Variants in UBTD2 observed in about 807,000 individuals in gnomAD.
UBTD2 encodes the protein ubiquitin domain containing 2.
UBTD2 carries 9 observed loss-of-function variants against 19.8 expected under a neutral mutation model. The ratio of observed to expected loss-of-function variants is 0.46; its 90% CI spans 0.27 to 0.79. UBTD2 has a LOEUF of 0.79. UBTD2 is among the 30% of genes least tolerant of loss of function. UBTD2 has a pLI of 0.14. For missense variants in UBTD2, 250 were observed against 300.4 expected (o/e 0.83, Z 1.24); for synonymous variants, 98 against 103.9 (o/e 0.94, Z 0.35).
intron 1 of UBTD2, among the ~76,000 whole-genome samples, chr5:172,251,524 A>T (rs2113066214): frequency 6.6e-6 from 1 of 151,850 alleles, no homozygotes; most frequent in Non-Finnish European, 1.5e-5. Flanking sequence ...CAGCATGAGA[A>T]AAGCAGCAAA....
intron 1 of UBTD2, among the ~76,000 whole-genome samples, chr5:172,246,887 C>G (rs1754894653): frequency 1.3e-5 from 2 of 150,432 alleles, no homozygotes; most frequent in African/African-American, 4.9e-5. Flanking sequence ...TCTCAGCCTC[C>G]CAAGTAGCTG....
At chr5:172,265,480 G>A (rs991569097) in intron 1 of UBTD2, among the ~76,000 whole-genome samples, 3 of 151,926 alleles carry the variant, frequency 2.0e-5, no homozygotes, top group African/African-American at 7.3e-5. Context: ...GACTACAGGC[G>A]CCCACCACCC....
chr5:172,242,258 G>T, intron 1 of UBTD2: 1 of 422,236 alleles, frequency 2.4e-6, no homozygotes, highest in Non-Finnish European at 3.2e-6. Flanking sequence ...ATTCCTTTAT[G>T]GCAAGGCAAA....
intron 1 of UBTD2, chr5:172,242,394 A>T (rs565692871): frequency 1.0e-6 from 1 of 985,264 alleles, no homozygotes; most frequent in African/African-American, 1.7e-5. Flanking sequence ...TTTTCATACC[A>T]AGTTCCAATC....
chr5:172,229,599 T>C (rs550610372), intron 2 of UBTD2, among the ~76,000 whole-genome samples: 2 of 151,760 alleles, frequency 1.3e-5, no homozygotes, highest in Admixed American at 6.6e-5. Flanking sequence ...CTAAAAATTA[T>C]GAGATAATTG....
intron 1 of UBTD2, among the ~76,000 whole-genome samples, chr5:172,256,844 C>T (rs753730379): frequency 2.6e-5 from 4 of 152,092 alleles, no homozygotes; most frequent in Non-Finnish European, 5.9e-5. Flanking sequence ...TCGCTTGAAC[C>T]CCGCAGGTGG....
chr5:172,251,645 C>G (rs866303112), intron 1 of UBTD2, among the ~76,000 whole-genome samples: 23 of 150,270 alleles, frequency 1.5e-4, no homozygotes, highest in Admixed American at 4.0e-4. Flanking sequence ...AAAAAAATGG[C>G]AACCAAGAAT....
chr5:172,276,033 T>G (rs191129354), intron 1 of UBTD2, among the ~76,000 whole-genome samples: 1 of 152,210 alleles, frequency 6.6e-6, no homozygotes, highest in African/African-American at 2.4e-5. Flanking sequence ...CCAATGCTTC[T>G]CAAACATTAA....
intron 1 of UBTD2, among the ~76,000 whole-genome samples, chr5:172,239,548 G>A (rs1772081125): frequency 1.3e-5 from 2 of 151,880 alleles, no homozygotes; most frequent in Admixed American, 1.3e-4. Flanking sequence ...AGCCTCCCGA[G>A]TAGCCGGGAT....
At chr5:172,243,702 A>G (rs1274745051) in intron 1 of UBTD2, among the ~76,000 whole-genome samples, 2 of 151,704 alleles carry the variant, frequency 1.3e-5, no homozygotes, top group African/African-American at 2.4e-5. Context: ...AGCTGGGATT[A>G]CAGACGCCTG....
intron 2 of UBTD2, among the ~76,000 whole-genome samples, chr5:172,230,222 G>C (rs954693109): frequency 6.6e-6 from 1 of 152,140 alleles, no homozygotes; most frequent in East Asian, 1.9e-4. Context: ...ATTGCCACTT[G>C]AGAATAAACT....
chr5:172,236,417 C>T (rs557335954), intron 1 of UBTD2, among the ~76,000 whole-genome samples: 1 of 152,296 alleles, frequency 6.6e-6, no homozygotes, highest in South Asian at 2.1e-4. Context: ...AATTCAAATG[C>T]GAGAAACACA....
intron 2 of UBTD2, among the ~76,000 whole-genome samples, chr5:172,215,397 G>T (rs184342293): frequency 8.5e-4 from 129 of 152,258 alleles, no homozygotes; most frequent in African/African-American, 3.0e-3. Flanking sequence ...GCCCCTTCTA[G>T]CCATCTTGTC....
rs533011658 is a variant in UBTD2, at chr5:172,236,681, G to A, written c.71-2323C>T. ...CACAGTAAGCAGGTAGACTCAGTAA[G>A]ATATTTATCTGAATAAAGTTTTGGG... On this transcript the variant is annotated intron_variant, in intron 1 of 2. Coordinates refer to ENST00000393792, the MANE Select transcript of UBTD2 (RefSeq NM_152277.3). Among the ~76,000 whole-genome samples, 8 of 152,294 alleles carry A rather than the reference G, an allele frequency of 5.3e-5. No homozygotes were observed. The South Asian group carries it at 1.7e-3, about 32-fold the overall frequency.
At chr5:172,275,530 CT>C (rs761520303) in intron 1 of UBTD2, among the ~76,000 whole-genome samples, 3 of 152,144 alleles carry the variant, frequency 2.0e-5, no homozygotes, top group African/African-American at 4.8e-5. Flanking sequence ...TACTAAGTAC[CT>C]ACTTACTATG....
chr5:172,283,258 GCGC>G lies in UBTD2; in HGVS notation c.70+335_70+337del, dbSNP rs914847993. ...ATCAATTCGCTTTTCTGCAACCCCG[GCGC>G]CGCCATCCTGATCCTCAATAATTAA... On this transcript the variant is annotated intron_variant, in intron 1 of 2. Coordinates refer to ENST00000393792, the MANE Select transcript of UBTD2 (RefSeq NM_152277.3). This position sits in a 1 kb window ranked among gnomAD's most constrained non-coding sequence, Gnocchi z 4.3. Among the ~76,000 whole-genome samples the G allele has an allele frequency of 6.6e-6, 1 of 152,106 alleles. No homozygotes were observed. The highest frequency in any genetic ancestry group is 2.4e-5 in the African/African-American group (1 of 41,428).
rs1581231492 is a variant in UBTD2, at chr5:172,264,924, T to C, written c.70+18672A>G. 1.3e-5 allele frequency among the ~76,000 whole-genome samples: 2 copies of C among 152,114 alleles called. 1 individual carries two copies. Among genetic ancestry groups the C allele is most frequent in the South Asian group, 4.1e-4 (2 of 4,824 alleles). ...AACAAAACAAAAAAAATTCAGAGAA[T>C]TCTTAAAAGTTGTTGTCATTACTTC... is the stretch of plus-strand genomic sequence containing the variant. On this transcript the variant is annotated intron_variant, in intron 1 of 2. Coordinates refer to ENST00000393792, the MANE Select transcript of UBTD2 (RefSeq NM_152277.3).
chr5:172,221,591 T>C (rs939173852), intron 2 of UBTD2, among the ~76,000 whole-genome samples: 8 of 152,204 alleles, frequency 5.3e-5, no homozygotes, highest in Non-Finnish European at 8.8e-5. Flanking sequence ...TGAAAGAAGA[T>C]AGTGTGATAA....
At chr5:172,254,738 G>T in intron 1 of UBTD2, 1 of 281,922 alleles carries the variant, frequency 3.5e-6, no homozygotes, top group Non-Finnish European at 6.7e-6. Flanking sequence ...TTGTGGGGGG[G>T]AACACTGAGT....
Sources: gnomAD v4.1 joint callset for allele counts (sites outside exome capture counted in the v4.1 genomes callset) on GRCh38, gnomAD v4.1.1 for gene constraint, Gnocchi (gnomAD v3.1) non-coding constraint, MANE v1.5 for transcripts, NCBI Gene and HGNC (gene_info 2026-07-23, HGNC 2026-07-21) for gene names.